GRM1: variants seen among roughly 807,000 people sequenced by gnomAD.
GRM1 encodes the protein metabotropic glutamate receptor 1.
A neutral mutation model predicts 90.9 loss-of-function variants in GRM1; 33 were observed. The observed-to-expected ratio is 0.36, with a 90% confidence interval of 0.28 to 0.49. GRM1 has a LOEUF of 0.49. Among genes scored for constraint, GRM1 ranks in the 20% least tolerant of loss-of-function variants. GRM1 has a pLI of 0.99. For synonymous variants in GRM1, 700 were observed against 613.2 expected (o/e 1.14, Z -2.09); for missense variants, 1,190 against 1,534.3 (o/e 0.78, Z 3.75).
chr6:146,330,474 C>G (rs923191301), intron 3 of GRM1, among the ~76,000 whole-genome samples: 2 of 152,074 alleles, frequency 1.3e-5, no homozygotes, highest in Non-Finnish European at 2.9e-5. Context: ...GACTTTTATC[C>G]TATACATAAC....
At chr6:146,324,488 A>C (rs1328235512) in intron 3 of GRM1, among the ~76,000 whole-genome samples, 2 of 152,210 alleles carry the variant, frequency 1.3e-5, no homozygotes, top group African/African-American at 4.8e-5. Flanking sequence ...AAACTCCTGC[A>C]GCTAGCTCAG....
At chr6:146,179,093 G>A (rs1778444647) in intron 2 of GRM1, among the ~76,000 whole-genome samples, 2 of 152,136 alleles carry the variant, frequency 1.3e-5, no homozygotes, top group African/African-American at 2.4e-5. Context: ...CAGAGTACCA[G>A]ACTATAAACC....
chr6:146,314,383 C>T (rs922668414), intron 3 of GRM1, among the ~76,000 whole-genome samples: 7 of 151,992 alleles, frequency 4.6e-5, no homozygotes, highest in African/African-American at 1.7e-4. Context: ...GAGTAGTGCT[C>T]CATTATTTGT....
intron 3 of GRM1, among the ~76,000 whole-genome samples, chr6:146,312,273 G>A (rs370262204): frequency 4.1e-5 from 6 of 147,772 alleles, no homozygotes; most frequent in Admixed American, 6.8e-5. Flanking sequence ...CCCAGGAGGC[G>A]GAGCTTGCAG....
chr6:146,360,313 A>G (rs1329630873), intron 5 of GRM1, among the ~76,000 whole-genome samples: 1 of 152,122 alleles, frequency 6.6e-6, no homozygotes, highest in Non-Finnish European at 1.5e-5. Context: ...ATTGATTTTT[A>G]GAATTATAAA....
chr6:146,206,806 C>T lies in GRM1; in HGVS notation c.950+47209C>T, dbSNP rs1392266508. On this transcript the variant is annotated intron_variant, in intron 2 of 7. Transcript: ENST00000282753. Reference sequence around the variant, plus strand: ...TTTCTGCTCCTCTCTCTTCTCTCACCCTCTCCACTAGAGTAGACCCCAGAG... The same window carrying T: ...TTTCTGCTCCTCTCTCTTCTCTCACTCTCTCCACTAGAGTAGACCCCAGAG... 2.6e-5 allele frequency among the ~76,000 whole-genome samples: 4 copies of T among 152,000 alleles called. No homozygotes were observed. The East Asian group carries it at 7.7e-4, about 29-fold the overall frequency.
intron 1 of GRM1, among the ~76,000 whole-genome samples, chr6:146,037,310 A>T (rs1204933630): frequency 6.6e-6 from 1 of 152,004 alleles, no homozygotes; most frequent in Non-Finnish European, 1.5e-5. Context: ...CATGATTAAG[A>T]TAAAGGTGTA....
chr6:146,128,988 A>G (rs892033023), intron 1 of GRM1, among the ~76,000 whole-genome samples: 2 of 152,172 alleles, frequency 1.3e-5, no homozygotes, highest in African/African-American at 4.8e-5. Context: ...TGGTTTCCAG[A>G]AGCTTAAATG....
At chr6:146,104,504 T>C (rs1777159498) in intron 1 of GRM1, among the ~76,000 whole-genome samples, 1 of 150,972 alleles carries the variant, frequency 6.6e-6, no homozygotes, top group Non-Finnish European at 1.5e-5. Context: ...AATGAGGAGA[T>C]AACGAAAGAT....
intron 2 of GRM1, among the ~76,000 whole-genome samples, chr6:146,235,308 TCC>T: frequency 6.6e-6 from 1 of 152,130 alleles, no homozygotes; most frequent in Non-Finnish European, 1.5e-5. Context: ...CTATCTTTGT[TCC>T]TCTAGATGTA....
At chr6:146,360,728 T>C (rs1200748395) in intron 5 of GRM1, among the ~76,000 whole-genome samples, 1 of 152,180 alleles carries the variant, frequency 6.6e-6, no homozygotes, top group Non-Finnish European at 1.5e-5. Context: ...GAAAATGTAG[T>C]TCACAAGTAT....
chr6:146,252,950 C>T (rs1781350771), intron 2 of GRM1, among the ~76,000 whole-genome samples: 1 of 150,374 alleles, frequency 6.7e-6, no homozygotes. Context: ...GTCCCAGCTA[C>T]TCAGGAGGCT....
chr6:146,235,761 A>G (rs1223509978), intron 2 of GRM1, among the ~76,000 whole-genome samples: 1 of 143,862 alleles, frequency 7.0e-6, no homozygotes, highest in Non-Finnish European at 1.5e-5. Context: ...TGGTGGTGTT[A>G]GCATTTTCAC....
intron 2 of GRM1, among the ~76,000 whole-genome samples, chr6:146,288,129 A>G (rs1219686852): frequency 6.6e-6 from 1 of 152,226 alleles, no homozygotes; most frequent in South Asian, 2.1e-4. Context: ...GAAATGGCTT[A>G]GATTGTCTTG....
intron 3 of GRM1, chr6:146,340,440 G>C (rs1784928775): frequency 6.6e-6 from 1 of 152,330 alleles, no homozygotes; most frequent in African/African-American, 2.4e-5. Context: ...ATACCACCCT[G>C]AATGCTCCCG....
intron 3 of GRM1, among the ~76,000 whole-genome samples, chr6:146,335,729 G>T (rs927996495): frequency 6.6e-6 from 1 of 152,020 alleles, no homozygotes; most frequent in Non-Finnish European, 1.5e-5. Flanking sequence ...CATTTTAACA[G>T]ATACATTAAA....
intron 2 of GRM1, among the ~76,000 whole-genome samples, chr6:146,221,918 T>C (rs1005641227): frequency 6.6e-6 from 1 of 152,160 alleles, no homozygotes; most frequent in African/African-American, 2.4e-5. Context: ...CACAAAATAC[T>C]CATCTTTTTA....
intron 2 of GRM1, among the ~76,000 whole-genome samples, chr6:146,290,916 T>C (rs1181984191): frequency 6.6e-6 from 1 of 152,030 alleles, no homozygotes; most frequent in East Asian, 1.9e-4. Flanking sequence ...TGACTGTATT[T>C]TGAATGTGGG....
Position 146,306,819 on chromosome 6 carries a change from A to G in GRM1, c.1186+1973A>G, listed in dbSNP as rs149398148. Among the ~76,000 whole-genome samples, 42 of 152,292 alleles carry G rather than the reference A, an allele frequency of 2.8e-4. 2 individuals are homozygous for G. Among genetic ancestry groups the G allele is most frequent in the Admixed American group, 2.2e-3 (34 of 15,286 alleles). On this transcript the variant is annotated intron_variant, in intron 3 of 7. Transcript: ENST00000282753. Reference sequence around the variant, plus strand: ...TTGAGATTTGCTGACAGAATTGTCAAGAATAACTGTAATCTGAGCAACTGG... The same window carrying G: ...TTGAGATTTGCTGACAGAATTGTCAGGAATAACTGTAATCTGAGCAACTGG...
Sources: gnomAD v4.1 joint callset for allele counts (sites outside exome capture counted in the v4.1 genomes callset) on GRCh38, gnomAD v4.1.1 for gene constraint, MANE v1.5 for transcripts, NCBI Gene and HGNC (gene_info 2026-07-23, HGNC 2026-07-21) for gene names.